PRKN: variants seen among roughly 807,000 people sequenced by gnomAD.
PRKN encodes E3 ubiquitin-protein ligase parkin.
A neutral mutation model predicts 59.5 loss-of-function variants in PRKN; 56 were observed. The observed-to-expected ratio is 0.94, with a 90% CI of 0.76 to 1.18. The LOEUF is 1.18. Among genes scored for constraint, PRKN ranks in the 50% most tolerant of loss-of-function variants. The pLI is 0.00. For missense variants in PRKN, 657 were observed against 596.4 expected (o/e 1.10, Z -1.06); for synonymous variants, 250 against 222.1 (o/e 1.13, Z -1.12).
In PRKN at chr6:161,393,265, G is replaced by A. The variant is rs571155829; in HGVS notation, c.1084-6388C>T. Among the ~76,000 whole-genome samples the A allele has an allele frequency of 6.6e-6, 1 of 152,196 alleles. No individual in the cohort carries two copies. Among genetic ancestry groups the A allele is most frequent in the South Asian group, 2.1e-4 (1 of 4,812 alleles). On this transcript the variant is annotated intron_variant, in intron 9 of 11. Transcript: ENST00000366898. This position sits in a 1 kb window ranked among gnomAD's most constrained non-coding sequence, Gnocchi z 4.7. ...GTAGAAAAATAAGAGGGTAGTAAGC[G>A]CCTTGTTAATTAAAGCAGTTCCCAG...
intron 7 of PRKN, among the ~76,000 whole-genome samples, chr6:161,766,190 T>C (rs967705809): frequency 6.6e-6 from 1 of 152,164 alleles, no homozygotes; most frequent in African/African-American, 2.4e-5. Context: ...TTAATCAAAA[T>C]TTCTGCTATG....
rs183934555 is a variant in PRKN at position 161,628,472 on chromosome 6, T to G, written c.872-59056A>C. On this transcript the variant is annotated intron_variant, in intron 7 of 11. Transcript: ENST00000366898. ...TCCTGAGATCTCTACCCTCATGACC[T>G]AATCACTTCCCAAAAGTCCCATCTC... 9.9e-4 allele frequency among the ~76,000 whole-genome samples: 151 copies of G among 152,320 alleles called. 1 individual carries two copies. Among genetic ancestry groups the G allele is most frequent in the Middle Eastern group, 3.4e-3 (1 of 294 alleles).
At chr6:162,265,649 CCACTG>C (rs972596721) in intron 2 of PRKN, among the ~76,000 whole-genome samples, 2 of 152,254 alleles carry the variant, frequency 1.3e-5, no homozygotes, top group East Asian at 3.9e-4. Context: ...TGAGATCTCA[CCACTG>C]CACTGCACTG....
chr6:161,493,917 AG>A (rs1172998503), intron 9 of PRKN, among the ~76,000 whole-genome samples: 1 of 152,226 alleles, frequency 6.6e-6, no homozygotes, highest in Non-Finnish European at 1.5e-5. Flanking sequence ...GGCAGAACAC[AG>A]GGCTATCTCC....
chr6:161,832,611 G>A (rs1459997504), intron 6 of PRKN, among the ~76,000 whole-genome samples: 1 of 132,082 alleles, frequency 7.6e-6, no homozygotes, highest in East Asian at 2.2e-4. Flanking sequence ...GCAACAGAGT[G>A]AGATTCCATC....
At chr6:161,993,784 C>A (rs998997302) in intron 5 of PRKN, among the ~76,000 whole-genome samples, 1 of 152,130 alleles carries the variant, frequency 6.6e-6, no homozygotes, top group Non-Finnish European at 1.5e-5. Context: ...TGAGCCAGCA[C>A]CTGCTTCTGG....
intron 1 of PRKN, among the ~76,000 whole-genome samples, chr6:162,718,655 G>A (rs1305618051): frequency 6.6e-6 from 1 of 152,040 alleles, no homozygotes; most frequent in Non-Finnish European, 1.5e-5. Flanking sequence ...GGAGCTTACA[G>A]TGAGCCGCGA....
chr6:162,209,588 G>C (rs995831583), intron 3 of PRKN, among the ~76,000 whole-genome samples: 1 of 152,096 alleles, frequency 6.6e-6, no homozygotes, highest in African/African-American at 2.4e-5. Context: ...ATTTGACCCA[G>C]CCATGCCATT....
intron 6 of PRKN, among the ~76,000 whole-genome samples, chr6:161,891,473 G>A (rs1290301369): frequency 6.6e-6 from 1 of 152,154 alleles, no homozygotes; most frequent in Non-Finnish European, 1.5e-5. Context: ...GGTATCAAAG[G>A]TAAGTATTAG....
intron 2 of PRKN, among the ~76,000 whole-genome samples, chr6:162,279,275 T>C (rs1276429424): frequency 6.6e-6 from 1 of 151,644 alleles, no homozygotes; most frequent in Non-Finnish European, 1.5e-5. Flanking sequence ...GAGGCTGAGG[T>C]TGCAGTGAGC....
intron 2 of PRKN, among the ~76,000 whole-genome samples, chr6:162,427,200 C>T (rs926139080): frequency 1.3e-5 from 2 of 152,120 alleles, no homozygotes; most frequent in South Asian, 4.1e-4. Context: ...AAATATTAAA[C>T]GTTGGCGAGG....
intron 9 of PRKN, among the ~76,000 whole-genome samples, chr6:161,495,262 A>G (rs538541269): frequency 1.3e-5 from 2 of 152,298 alleles, no homozygotes; most frequent in African/African-American, 2.4e-5. Context: ...GCTAGTGGCC[A>G]CTGCATTGCC....
chr6:161,570,338 T>C (rs1780841946), intron 7 of PRKN, among the ~76,000 whole-genome samples: 1 of 147,076 alleles, frequency 6.8e-6, no homozygotes, highest in East Asian at 1.9e-4. Context: ...GGCCTAAATA[T>C]ATATATTTAT....
intron 2 of PRKN, among the ~76,000 whole-genome samples, chr6:162,284,253 T>C (rs1236947506): frequency 1.4e-5 from 2 of 145,280 alleles, no homozygotes; most frequent in African/African-American, 5.0e-5. Flanking sequence ...AGATAGAGTT[T>C]TGCTCTTGTT....
At chr6:162,592,530 T>G (rs896130282) in intron 1 of PRKN, among the ~76,000 whole-genome samples, 5 of 152,210 alleles carry the variant, frequency 3.3e-5, no homozygotes, top group African/African-American at 1.2e-4. Flanking sequence ...CTGCTCATCA[T>G]GTACCTACTG....
intron 6 of PRKN, among the ~76,000 whole-genome samples, chr6:161,911,149 T>C (rs1198034632): frequency 6.6e-6 from 1 of 152,196 alleles, no homozygotes; most frequent in East Asian, 1.9e-4. Context: ...TGTCTCATTT[T>C]TGGAGGGAAA....
chr6:161,392,154 G>A (rs1407709061), intron 9 of PRKN, among the ~76,000 whole-genome samples: 1 of 151,866 alleles, frequency 6.6e-6, no homozygotes, highest in African/African-American at 2.4e-5. Flanking sequence ...GGCCAAGCTG[G>A]TCTCGAACCC....
In PRKN at chr6:161,372,092, A is replaced by T. The variant is rs147791294; in HGVS notation, c.1168-11887T>A. ...AAGTGAATTAAAATAATATCTATCA[A>T]CCTATTTTGAGATTAATGGGGGAAA... is the stretch of plus-strand genomic sequence containing the variant. On this transcript the variant is annotated intron_variant, in intron 10 of 11. Coordinates refer to ENST00000366898, the MANE Select transcript of PRKN (RefSeq NM_004562.3). The surrounding 1 kb of genome is among the most constrained non-coding windows in gnomAD (Gnocchi z 4.2). Among the ~76,000 whole-genome samples, 93 of 152,272 alleles carry T rather than the reference A, an allele frequency of 6.1e-4. No individual in the cohort carries two copies. Among genetic ancestry groups the T allele is most frequent in the African/African-American group, 2.1e-3 (88 of 41,540 alleles).
intron 2 of PRKN, among the ~76,000 whole-genome samples, chr6:162,363,131 C>CAAAAA (rs34722234): frequency 2.0e-5 from 2 of 98,390 alleles, no homozygotes; most frequent in Non-Finnish European, 2.1e-5. Context: ...CCTTCTCAAA[C>CAAAAA]AAAAAAAAAA....
Sources: gnomAD v4.1 joint callset for allele counts (sites outside exome capture counted in the v4.1 genomes callset) on GRCh38, gnomAD v4.1.1 for gene constraint, Gnocchi (gnomAD v3.1) non-coding constraint, MANE v1.5 for transcripts, NCBI Gene and HGNC (gene_info 2026-07-23, HGNC 2026-07-21) for gene names.